Variants in EHMT1 observed in about 807,000 individuals in gnomAD.
The protein encoded by EHMT1 is histone-lysine N-methyltransferase EHMT1.
In EHMT1, 15 loss-of-function variants were observed where a neutral mutation model predicts 147.2. The ratio of observed to expected loss-of-function variants is 0.10; its 90% CI spans 0.07 to 0.16. The LOEUF is 0.16. Ranked by LOEUF, EHMT1 falls within the 10% of genes least tolerant of loss-of-function variation. The pLI is 1.00. For missense variants in EHMT1, 1,587 were observed against 1,772.4 expected (o/e 0.90, Z 1.88); for synonymous variants, 795 against 709.6 (o/e 1.12, Z -1.91).
intron 1 of EHMT1, among the ~76,000 whole-genome samples, chr9:137,681,664 C>T (rs1383189519): frequency 6.6e-6 from 1 of 152,094 alleles, no homozygotes; most frequent in Non-Finnish European, 1.5e-5. Flanking sequence ...CGTCCACTTT[C>T]TCTCCTGTCT....
At chr9:137,722,311 G>T (rs545439870) in intron 3 of EHMT1, among the ~76,000 whole-genome samples, 36 of 152,144 alleles carry the variant, frequency 2.4e-4, no homozygotes, top group Non-Finnish European at 4.7e-4. Context: ...TTAAGTGATC[G>T]CTTTTTTCTG....
At chr9:137,801,695 T>C (rs1351171032) in intron 18 of EHMT1, among the ~76,000 whole-genome samples, 1 of 152,096 alleles carries the variant, frequency 6.6e-6, no homozygotes, top group African/African-American at 2.4e-5. Flanking sequence ...GACGGGGTTT[T>C]ACCGTGTTGG....
At position 137,758,024 on chromosome 9, in the gene EHMT1, G is replaced by A. The variant is rs3125794; in HGVS notation, c.1501+13G>A. On this transcript the variant is annotated intron_variant, in intron 9 of 26. Coordinates refer to ENST00000460843, the MANE Select transcript of EHMT1 (RefSeq NM_024757.5). ...TCACAAGCAGAAGGTGAATGTGGTG[G>A]TGTAACTTAGACCGGGCACCATCTT... The A allele has an allele frequency of 6.2e-7, 1 of 1,613,676 alleles. No homozygotes were observed. Among genetic ancestry groups the A allele is most frequent in the Non-Finnish European group, 8.5e-7 (1 of 1,179,954 alleles).
chr9:137,680,512 A>G (rs1941836082), intron 1 of EHMT1, among the ~76,000 whole-genome samples: 1 of 152,230 alleles, frequency 6.6e-6, no homozygotes. Flanking sequence ...TTGCATGGAA[A>G]TAAATTATGT....
intron 6 of EHMT1, among the ~76,000 whole-genome samples, chr9:137,745,073 C>T (rs76435227): frequency 0.054 from 8,240 of 152,298 alleles, 281 homozygotes; most frequent in South Asian, 0.14. Context: ...TTTATTTAGA[C>T]GCAATCTTGT....
intron 1 of EHMT1, among the ~76,000 whole-genome samples, chr9:137,649,160 C>CA (rs1365883835): frequency 1.3e-5 from 2 of 151,852 alleles, no homozygotes; most frequent in African/African-American, 4.8e-5. Context: ...TAGTGTTCTC[C>CA]CGGCTGGGTG....
chr9:137,788,057 TG>T, intron 15 of EHMT1: 1 of 1,364,746 alleles, frequency 7.3e-7, no homozygotes, highest in East Asian at 2.4e-5. Context: ...TGGCTCCCGC[TG>T]GCAAAGTCTC....
At position 137,716,811 on chromosome 9, in the gene EHMT1, A is replaced by T. The variant is rs144949902; in HGVS notation, c.271A>T (p.Ile91Leu). The T allele has an allele frequency of 4.8e-4, 770 of 1,613,330 alleles. 1 individual carries two copies. The highest frequency in any genetic ancestry group is 8.5e-4 in the Admixed American group (51 of 60,006). Residue 91 changes from isoleucine (I) to leucine (L), a missense_variant, in exon 3 of 27, where the codon ATA becomes TTA. By Grantham distance (5) the Ile-to-Leu change is conservative. Coordinates refer to ENST00000460843, the MANE Select transcript of EHMT1 (RefSeq NM_024757.5). ...PQDGTNTLTR[I>L]AENGVSERDS... is the part of the protein sequence containing the mutation. ...GGATGGCACCAACACACTAACTCGG[A>T]TAGCGGAAAATGGGGTTTCAGAAAG...
intron 7 of EHMT1, 107 bp from the exon 8 acceptor site, chr9:137,754,064 C>G (rs1949193628): frequency 1.3e-6 from 2 of 1,567,010 alleles, no homozygotes; most frequent in Non-Finnish European, 1.8e-6. Flanking sequence ...AATTGAAGAT[C>G]AAGACATAGC....
At chr9:137,735,622 T>G (rs1347187067) in intron 4 of EHMT1, among the ~76,000 whole-genome samples, 3 of 152,212 alleles carry the variant, frequency 2.0e-5, no homozygotes, top group Non-Finnish European at 4.4e-5. Flanking sequence ...GGTTTGGATG[T>G]GGTTTGTCCA....
At chr9:137,665,298 C>T (rs1015655508) in intron 1 of EHMT1, among the ~76,000 whole-genome samples, 3 of 152,104 alleles carry the variant, frequency 2.0e-5, no homozygotes, top group Non-Finnish European at 4.4e-5. Context: ...GGGCCTCTCC[C>T]TGTAAGAAAT....
Position 137,732,253 on chromosome 9 carries a change from G to A in EHMT1, c.823+3724G>A, listed in dbSNP as rs1367401747. On this transcript the variant is annotated intron_variant, in intron 4 of 26. Coordinates refer to ENST00000460843, the MANE Select transcript of EHMT1 (RefSeq NM_024757.5). The surrounding 1 kb of genome is among the most constrained non-coding windows in gnomAD (Gnocchi z 4.6). Reference sequence around the variant, plus strand: ...GGTTTGGGTCCCCAGAAGGATCACCGCTCTTCACTCCCGCAGTTCAGCGAA... The same window carrying A: ...GGTTTGGGTCCCCAGAAGGATCACCACTCTTCACTCCCGCAGTTCAGCGAA... Among the ~76,000 whole-genome samples, 1 of 152,220 alleles carries A rather than the reference G, an allele frequency of 6.6e-6. No homozygotes were observed. Among genetic ancestry groups the A allele is most frequent in the African/African-American group, 2.4e-5 (1 of 41,466 alleles).
chr9:137,759,887 T>C (rs1164854807), intron 9 of EHMT1, among the ~76,000 whole-genome samples: 1 of 152,152 alleles, frequency 6.6e-6, no homozygotes, highest in East Asian at 1.9e-4. Flanking sequence ...CTGTGGAGTG[T>C]GCTGAGCGGG....
At chr9:137,708,264 T>G (rs1944422868) in intron 1 of EHMT1, among the ~76,000 whole-genome samples, 1 of 152,226 alleles carries the variant, frequency 6.6e-6, no homozygotes, top group African/African-American at 2.4e-5. Context: ...GAGGTGATAC[T>G]GTCTGAAGAA....
Position 137,634,337 on chromosome 9 carries a change from A to G in EHMT1, c.21+15288A>G, listed in dbSNP as rs1364803058. Among the ~76,000 whole-genome samples, 4 of 152,316 alleles carry G rather than the reference A, an allele frequency of 2.6e-5. No homozygotes were observed. In the East Asian group the frequency reaches 7.7e-4, roughly 29 times the overall value. ...TTAATTTTTGTATATGATGTTAGGT[A>G]GGATCCAGGCTTCATTCTTTTCATG... On this transcript the variant is annotated intron_variant, in intron 1 of 26. Transcript: ENST00000460843.
At chr9:137,686,344 CAT>C (rs1942427849) in intron 1 of EHMT1, among the ~76,000 whole-genome samples, 1 of 151,652 alleles carries the variant, frequency 6.6e-6, no homozygotes, top group Non-Finnish European at 1.5e-5. Context: ...AGTTTTATCT[CAT>C]ATTTGTTTTT....
At position 137,775,988 on chromosome 9, in the gene EHMT1, A is replaced by G. The variant is rs1950927836; in HGVS notation, c.1792-630A>G. 6.6e-6 allele frequency among the ~76,000 whole-genome samples: 1 copy of G among 152,084 alleles called. No individual in the cohort carries two copies. Among genetic ancestry groups the G allele is most frequent in the Admixed American group, 6.6e-5 (1 of 15,266 alleles). On this transcript the variant is annotated intron_variant, in intron 11 of 26. Transcript: ENST00000460843. The surrounding 1 kb of genome is among the most constrained non-coding windows in gnomAD (Gnocchi z 6.1). ...GTGTGAGTGTTTGAGTGTGAGCTTC[A>G]GGCACCCAGAGATGCCCTGCTGCCC...
intron 1 of EHMT1, among the ~76,000 whole-genome samples, chr9:137,659,500 C>T (rs1303345159): frequency 6.6e-6 from 1 of 151,880 alleles, no homozygotes; most frequent in African/African-American, 2.4e-5. Flanking sequence ...CCACCTCAGC[C>T]TTTCAAGTAG....
chr9:137,706,355 G>A (rs1424332340), intron 1 of EHMT1, among the ~76,000 whole-genome samples: 2 of 152,248 alleles, frequency 1.3e-5, no homozygotes, highest in Non-Finnish European at 2.9e-5. Flanking sequence ...CTTGATTTAG[G>A]ATACATAAAA....
Sources: allele counts gnomAD v4.1 joint callset (sites outside exome capture counted in the v4.1 genomes callset), GRCh38; gene constraint gnomAD v4.1.1; non-coding constraint Gnocchi (gnomAD v3.1); transcripts MANE v1.5; gene names NCBI Gene and HGNC (gene_info 2026-07-23, HGNC 2026-07-21).